The following TMEM87B variants were observed in gnomAD, a reference collection of about 807,000 sequenced individuals.
TMEM87B encodes the protein transmembrane protein 87B.
In TMEM87B, 83 loss-of-function variants were observed where a neutral mutation model predicts 80.3. The ratio of observed to expected loss-of-function variants is 1.03; its 90% CI spans 0.87 to 1.24. The LOEUF (loss-of-function observed/expected upper bound fraction) is 1.24. Ranked by LOEUF, TMEM87B falls within the 50% of genes most tolerant of loss-of-function variation. The pLI, the probability that TMEM87B is intolerant of heterozygous loss-of-function variation, is 0.00. For missense variants in TMEM87B, 625 were observed against 674.4 expected (o/e 0.93, Z 0.81); for synonymous variants, 219 against 230.5 (o/e 0.95, Z 0.45).
intron 4 of TMEM87B, among the ~76,000 whole-genome samples, chr2:112,074,558 A>G (rs1298642555): frequency 6.6e-6 from 1 of 152,088 alleles, no homozygotes; most frequent in Non-Finnish European, 1.5e-5. Context: ...ATCTTCTTAT[A>G]AAGTATCTTG....
Position 112,081,485 on chromosome 2 carries a change from G to A in TMEM87B, c.805G>A (p.Glu269Lys). The stretch of plus-strand genomic sequence containing the variant: ...GCTTGAAAAAGCAGTTTTTTATAGT[G>A]AATACCAAAACATCAGCAACACTGG... ...GMLEKAVFYS[E>K]YQNISNTGLS... Residue 269 changes from glutamate (E) to lysine (K), a missense_variant, in exon 8 of 19, where the codon GAA (glutamate) becomes AAA (lysine). Coordinates refer to ENST00000283206, the MANE Select transcript of TMEM87B (RefSeq NM_032824.3). 2 of 1,612,284 alleles carry A rather than the reference G, an allele frequency of 1.2e-6. No homozygotes were observed. Among genetic ancestry groups the A allele is most frequent in the Non-Finnish European group, 1.7e-6 (2 of 1,179,664 alleles).
At chr2:112,068,543 A>G (rs1350729027) in intron 4 of TMEM87B, among the ~76,000 whole-genome samples, 1 of 151,820 alleles carries the variant, frequency 6.6e-6, no homozygotes, top group Non-Finnish European at 1.5e-5. Context: ...TCTCTACTAA[A>G]AATACAAAAA....
chr2:112,070,844 T>C (rs1345271676), intron 4 of TMEM87B, among the ~76,000 whole-genome samples: 2 of 151,380 alleles, frequency 1.3e-5, no homozygotes, highest in South Asian at 2.1e-4. Flanking sequence ...TTTTTTGAGA[T>C]GGAGTCTTGC....
In TMEM87B at chr2:112,077,217, A is replaced by T. The variant is rs773385261; in HGVS notation, c.527A>T (p.Asp176Val). Residue 176 changes from aspartate (D) to valine (V), a missense_variant, in exon 6 of 19, where the codon GAT becomes GTT. Coordinates refer to ENST00000283206, the MANE Select transcript of TMEM87B (RefSeq NM_032824.3). Reference sequence around the variant, plus strand: ...GATGTTGTAGCCAGAACACAAAAAGATGGGTTTCATATCTTTATTGTTTCT... The same window carrying T: ...GATGTTGTAGCCAGAACACAAAAAGTTGGGTTTCATATCTTTATTGTTTCT... ...SMDVVARTQK[D>V]GFHIFIVSIK... The T allele has an allele frequency of 2.0e-5, 32 of 1,592,026 alleles. No individual in the cohort carries two copies. The highest frequency in any genetic ancestry group is 2.7e-5 in the Non-Finnish European group (32 of 1,171,104).
In TMEM87B at chr2:112,076,842, T is replaced by TTGTGTGTG. The variant is rs70962982; in HGVS notation, c.502-310_502-303dup. On this transcript the variant is annotated intron_variant, in intron 5 of 18. Coordinates refer to ENST00000283206, the MANE Select transcript of TMEM87B (RefSeq NM_032824.3). The stretch of plus-strand genomic sequence containing the variant: ...CACTACCTGCCATTCCTTTTCTGTT[T>TTGTGTGTG]TGTGTGTGTGTGTGTGTGTGTGTGT... 7.8e-3 allele frequency among the ~76,000 whole-genome samples: 1,083 copies of TTGTGTGTG among 139,212 alleles called. 21 individuals carry two copies. The highest frequency in any genetic ancestry group is 0.023 in the South Asian group (99 of 4,218). The allele number at this position is 139,212 out of a possible 152,430, so 91.3% of individuals were successfully genotyped here.
chr2:112,081,978 C>A (rs917578098), intron 8 of TMEM87B, among the ~76,000 whole-genome samples: 1 of 152,246 alleles, frequency 6.6e-6, no homozygotes, highest in East Asian at 1.9e-4. Flanking sequence ...TGTGCTCTCC[C>A]CACCTCTTTA....
rs769789711 is a variant in TMEM87B at position 112,100,707 on chromosome 2, G to A, written c.1450+12G>A. The A allele has an allele frequency of 4.5e-6, 7 of 1,551,282 alleles. No homozygotes were observed. The Admixed American group carries it at 1.2e-4, about 26-fold the overall frequency. ...TTCTGAAAATTTAAGTGAGTAATAT[G>A]TTTTCTTTTTAAATGACCATTGTAC... is the stretch of plus-strand genomic sequence containing the variant. On this transcript the variant is annotated intron_variant, in intron 15 of 18. Coordinates refer to ENST00000283206, the MANE Select transcript of TMEM87B (RefSeq NM_032824.3).
rs1678093385 is a variant in TMEM87B at position 112,057,011 on chromosome 2, T to TAG, written c.165+1255_165+1256insAG. On this transcript the variant is annotated intron_variant, in intron 1 of 18. Coordinates refer to ENST00000283206, the MANE Select transcript of TMEM87B (RefSeq NM_032824.3). ...TACTTGAACATATCTGTATAGATCTTTGCTAAGTGTACTGTGAACATACCT... is the reference window on the plus strand; with the variant it reads ...TACTTGAACATATCTGTATAGATCTTAGTGCTAAGTGTACTGTGAACATACCT... 5.3e-5 allele frequency among the ~76,000 whole-genome samples: 8 copies of TAG among 152,340 alleles called. No homozygotes were observed. In the South Asian group the frequency reaches 1.4e-3, roughly 28 times the overall value.
chr2:112,090,379 A>ATTGG (rs139232840), intron 10 of TMEM87B, among the ~76,000 whole-genome samples: 13,379 of 150,004 alleles, frequency 0.089, 690 homozygotes, highest in South Asian at 0.16. Context: ...TCATTGGTTG[A>ATTGG]TTGGTTGGTT....
At chr2:112,064,951 C>A (rs944753485) in intron 3 of TMEM87B, among the ~76,000 whole-genome samples, 7 of 151,950 alleles carry the variant, frequency 4.6e-5, no homozygotes, top group Admixed American at 1.3e-4. Context: ...TGTACATATA[C>A]CTATACATGT....
intron 15 of TMEM87B, among the ~76,000 whole-genome samples, chr2:112,105,577 C>T (rs1030065593): frequency 6.6e-6 from 1 of 152,178 alleles, no homozygotes; most frequent in Non-Finnish European, 1.5e-5. Flanking sequence ...TTGATCTTTC[C>T]TATCTTCTTT....
intron 4 of TMEM87B, among the ~76,000 whole-genome samples, chr2:112,071,104 A>G (rs747793892): frequency 1.3e-5 from 2 of 151,726 alleles, no homozygotes; most frequent in South Asian, 2.1e-4. Flanking sequence ...GATTACAGGC[A>G]TGAGCCACTG....
chr2:112,064,760 A>G (rs1471313286), intron 3 of TMEM87B, among the ~76,000 whole-genome samples: 1 of 152,160 alleles, frequency 6.6e-6, no homozygotes, highest in South Asian at 2.1e-4. Flanking sequence ...TCCTCCTGGG[A>G]TGTGCACTGG....
chr2:112,118,097 C>T lies in TMEM87B; in HGVS notation c.*1954C>T, dbSNP rs530479053. 1 of 152,288 alleles carries T rather than the reference C, an allele frequency of 6.6e-6. No individual in the cohort carries two copies. Among genetic ancestry groups the T allele is most frequent in the African/African-American group, 2.4e-5 (1 of 41,562 alleles). The allele number at this position is 152,288 out of a possible 1,614,324, so 9.4% of individuals were successfully genotyped here. The stretch of plus-strand genomic sequence containing the variant: ...TCTTCCATCCAGAGAAAGCAGAATT[C>T]CCTCCTAGTAACCTCATTACAAATA... On this transcript the variant is annotated 3_prime_UTR_variant, in exon 19 of 19. Transcript: ENST00000283206.
chr2:112,110,060 C>T (rs908880122), intron 17 of TMEM87B, among the ~76,000 whole-genome samples: 1 of 152,174 alleles, frequency 6.6e-6, no homozygotes, highest in African/African-American at 2.4e-5. Context: ...GCCACTGTAC[C>T]CGGCTAGCTA....
At position 112,091,692 on chromosome 2, in the gene TMEM87B, C is replaced by A; in HGVS notation, c.1033-20C>A. ...TGAAAGTGTTACATTCAGGTTTCTT[C>A]CCTTATTTTTATCTTTCAGGGTTCT... On this transcript the variant is annotated intron_variant, in intron 10 of 18. Transcript: ENST00000283206. The A allele has an allele frequency of 6.3e-7, 1 of 1,578,678 alleles. No individual in the cohort carries two copies. Among genetic ancestry groups the A allele is most frequent in the Non-Finnish European group, 8.7e-7 (1 of 1,151,742 alleles).
intron 6 of TMEM87B, among the ~76,000 whole-genome samples, chr2:112,080,370 C>T (rs1678956668): frequency 1.3e-5 from 2 of 152,160 alleles, no homozygotes; most frequent in South Asian, 4.1e-4. Flanking sequence ...CGCCATTCTC[C>T]TGCCTCGGCC....
intron 5 of TMEM87B, among the ~76,000 whole-genome samples, chr2:112,075,298 G>T (rs1309084851): frequency 6.6e-6 from 1 of 152,138 alleles, no homozygotes; most frequent in Non-Finnish European, 1.5e-5. Flanking sequence ...TACTTGGGAG[G>T]CTGAGGCATG....
At chr2:112,070,410 A>G (rs753145452) in intron 4 of TMEM87B, among the ~76,000 whole-genome samples, 39 of 152,202 alleles carry the variant, frequency 2.6e-4, no homozygotes, top group Admixed American at 8.5e-4. Context: ...CAGTTATCCC[A>G]GCACCATTTA....
Sources: gnomAD v4.1 joint callset for allele counts (sites outside exome capture counted in the v4.1 genomes callset) on GRCh38, gnomAD v4.1.1 for gene constraint, MANE v1.5 for transcripts, NCBI Gene and HGNC (gene_info 2026-07-23, HGNC 2026-07-21) for gene names.